Variants in EHBP1 observed in about 807,000 individuals in gnomAD.
EHBP1 encodes EH domain binding protein 1, also known as EH domain-binding protein 1.
In EHBP1, 55 loss-of-function variants were observed where a neutral mutation model predicts 144.0. That is an observed-to-expected ratio of 0.38 (90% CI 0.31 to 0.48). The LOEUF (loss-of-function observed/expected upper bound fraction) is 0.48, where lower values mean the gene tolerates loss of function less well. Ranked by LOEUF, EHBP1 falls within the 20% of genes least tolerant of loss-of-function variation. The pLI is 0.98. For synonymous variants in EHBP1, 469 were observed against 472.7 expected, an observed-to-expected ratio of 0.99 and a Z score of 0.10; for missense variants, 1,200 against 1,364.2, an observed-to-expected ratio of 0.88 and a Z score of 1.90.
intron 2 of EHBP1, among the ~76,000 whole-genome samples, chr2:62,746,013 T>C (rs956619108): frequency 5.9e-5 from 9 of 152,068 alleles, no homozygotes; most frequent in Non-Finnish European, 1.3e-4. Context: ...AGAGTTGAAA[T>C]TGTGCTGGAG....
chr2:62,833,308 A>G (rs1186392893), intron 7 of EHBP1, among the ~76,000 whole-genome samples: 2 of 152,236 alleles, frequency 1.3e-5, no homozygotes, highest in Non-Finnish European at 2.9e-5. Flanking sequence ...AGTAAATGCT[A>G]ATATAGAAGC....
intron 7 of EHBP1, among the ~76,000 whole-genome samples, chr2:62,851,067 ATCT>A (rs1259385964): frequency 6.6e-6 from 1 of 152,112 alleles, no homozygotes; most frequent in East Asian, 1.9e-4. Context: ...TAATCATCAA[ATCT>A]TCTTAATTTA....
intron 5 of EHBP1, among the ~76,000 whole-genome samples, chr2:62,796,574 G>A (rs566174700): frequency 2.6e-5 from 4 of 152,032 alleles, no homozygotes; most frequent in East Asian, 1.9e-4. Flanking sequence ...CACATAAAAC[G>A]TAATTTTGAT....
At chr2:62,756,563 A>G (rs1398976201) in intron 3 of EHBP1, among the ~76,000 whole-genome samples, 1 of 152,150 alleles carries the variant, frequency 6.6e-6, no homozygotes, top group Non-Finnish European at 1.5e-5. Context: ...GAGGGTCAGG[A>G]GTTCTAGACC....
At chr2:62,808,632 C>G (rs1042914394) in intron 5 of EHBP1, among the ~76,000 whole-genome samples, 13 of 152,172 alleles carry the variant, frequency 8.5e-5, no homozygotes, top group African/African-American at 3.1e-4. Context: ...GATGCTTGCT[C>G]TGTCTCTTCA....
rs2050050169 is a variant in EHBP1, at chr2:62,866,522, A to G, written c.998+1551A>G. Among the ~76,000 whole-genome samples, 3 of 152,374 alleles carry G rather than the reference A, an allele frequency of 2.0e-5. No individual in the cohort carries two copies. In the South Asian group the frequency reaches 6.2e-4, roughly 32 times the overall value. On this transcript the variant is annotated intron_variant, in intron 9 of 22. Coordinates refer to ENST00000431489, the MANE Select transcript of EHBP1 (RefSeq NM_001142616.3). ...TTCCAGATATCCAAGAAGGTAGAAG[A>G]AGACAGCATAGATGATATTAGAAAA...
chr2:62,979,369 A>G, intron 15 of EHBP1, 34 bp downstream of exon 15: 1 of 1,602,490 alleles, frequency 6.2e-7, no homozygotes, highest in Non-Finnish European at 8.5e-7. Flanking sequence ...TTCTACAGAC[A>G]ACCCAGAAAT....
intron 5 of EHBP1, among the ~76,000 whole-genome samples, chr2:62,813,845 G>A (rs1558717609): frequency 6.6e-6 from 1 of 152,148 alleles, no homozygotes; most frequent in East Asian, 1.9e-4. Context: ...TACTGCATCT[G>A]TCCCACCATT....
Position 62,948,477 on chromosome 2 carries a change from T to C in EHBP1, c.1631T>C (p.Val544Ala). Residue 544 changes from valine to alanine, a missense_variant, in exon 13 of 23, where the codon GTT becomes GCT. By Grantham distance (64) the Val-to-Ala change is moderately conservative. Coordinates refer to ENST00000431489, the MANE Select transcript of EHBP1 (RefSeq NM_001142616.3). ...TATGAAACAGATACAAACAGTTCTG[T>C]TGATCAAGAAAAATTCTATGCAGAG... ...GNYETDTNSS[V>A]DQEKFYAELS... 6.2e-7 allele frequency: 1 copy of C among 1,613,410 alleles called. No homozygotes were observed. Among genetic ancestry groups the C allele is most frequent in the African/African-American group, 1.3e-5 (1 of 75,022 alleles).
At chr2:63,043,646 T>G (rs1574605969) in intron 21 of EHBP1, among the ~76,000 whole-genome samples, 1 of 152,200 alleles carries the variant, frequency 6.6e-6, no homozygotes, top group Non-Finnish European at 1.5e-5. Context: ...ATAAAGCTGC[T>G]GAGCAGTTTG....
At chr2:62,942,513 T>G (rs1365748362) in intron 10 of EHBP1, among the ~76,000 whole-genome samples, 2 of 152,240 alleles carry the variant, frequency 1.3e-5, no homozygotes, top group Non-Finnish European at 2.9e-5. Flanking sequence ...ATCTGCATCC[T>G]TGTCAGGCAA....
chr2:62,981,490 G>GC, intron 15 of EHBP1, among the ~76,000 whole-genome samples: 1 of 152,284 alleles, frequency 6.6e-6, no homozygotes, highest in East Asian at 1.9e-4. Context: ...GTAGTGAGCA[G>GC]ATAACAATGC....
chr2:62,853,131 C>T (rs1346294033), intron 7 of EHBP1, among the ~76,000 whole-genome samples: 2 of 152,150 alleles, frequency 1.3e-5, no homozygotes, highest in East Asian at 3.8e-4. Context: ...CCTCTGACAG[C>T]CTAGTATTTT....
Position 62,979,181 on chromosome 2 carries a change from A to C in EHBP1, c.2461-7A>C, listed in dbSNP as rs1276111388. 1 of 1,611,648 alleles carries C rather than the reference A, an allele frequency of 6.2e-7. No homozygotes were observed. Among genetic ancestry groups the C allele is most frequent in the Admixed American group, 1.7e-5 (1 of 59,462 alleles). The stretch of plus-strand genomic sequence containing the variant: ...TACTGAGTTGGCAACTGTTCAATAT[A>C]TCTTAGCAGCAAGATGAAGAGCGAC... On this transcript the variant is annotated splice_region_variant and splice_polypyrimidine_tract_variant and intron_variant, in intron 14 of 22. Transcript: ENST00000431489.
intron 5 of EHBP1, 79 bp downstream of exon 5, chr2:62,771,471 T>C: frequency 9.0e-7 from 1 of 1,111,218 alleles, no homozygotes; most frequent in East Asian, 2.8e-5. Flanking sequence ...GGCATTTTGG[T>C]GGTAGGAAAA....
rs575904528 is a variant in EHBP1, at chr2:62,964,762, C to A, written c.2460+9102C>A. Among the ~76,000 whole-genome samples, 11 of 152,264 alleles carry A rather than the reference C, an allele frequency of 7.2e-5. No homozygotes were observed. The South Asian group carries it at 2.1e-3, about 29-fold the overall frequency. On this transcript the variant is annotated intron_variant, in intron 14 of 22. Transcript: ENST00000431489. ...TCAGCCAGATTTTTGTAATGTCATG[C>A]CTCCAGCAGTGATTAAATTGGTAAT...
intron 1 of EHBP1, among the ~76,000 whole-genome samples, chr2:62,697,649 T>A (rs1409197938): frequency 6.6e-6 from 1 of 152,208 alleles, no homozygotes; most frequent in Non-Finnish European, 1.5e-5. Flanking sequence ...GCATTCCCAA[T>A]ACCTACCAGA....
At chr2:62,838,682 A>G (rs2047517164) in intron 7 of EHBP1, among the ~76,000 whole-genome samples, 1 of 151,710 alleles carries the variant, frequency 6.6e-6, no homozygotes, top group Non-Finnish European at 1.5e-5. Flanking sequence ...CCACAGAAAT[A>G]CAAACTACCA....
intron 1 of EHBP1, among the ~76,000 whole-genome samples, chr2:62,695,695 A>G (rs1043535272): frequency 3.3e-5 from 5 of 152,186 alleles, no homozygotes; most frequent in Non-Finnish European, 7.4e-5. Flanking sequence ...AACTACAATT[A>G]TACACGTTTA....
Sources: gnomAD v4.1 joint callset for allele counts (sites outside exome capture counted in the v4.1 genomes callset) on GRCh38, gnomAD v4.1.1 for gene constraint, MANE v1.5 for transcripts, NCBI Gene and HGNC (gene_info 2026-07-23, HGNC 2026-07-21) for gene names.